The following ATP13A5 variants were observed in gnomAD, a reference collection of about 807,000 sequenced individuals.
ATP13A5 encodes the protein ATPase 13A5.
In ATP13A5, 149 loss-of-function variants were observed where a neutral mutation model predicts 150.2. The observed-to-expected ratio is 0.99, with a 90% CI of 0.87 to 1.14. The LOEUF is 1.14. ATP13A5 is among the 50% of genes most tolerant of loss of function. ATP13A5 has a pLI of 0.00. For missense variants in ATP13A5, 1,383 were observed against 1,449.3 expected (o/e 0.95, Z 0.74); for synonymous variants, 497 against 522.2 (o/e 0.95, Z 0.66).
chr3:193,343,831 A>G, intron 9 of ATP13A5, 96 bp downstream of exon 9: 1 of 1,417,712 alleles, frequency 7.1e-7, no homozygotes, highest in Non-Finnish European at 9.4e-7. Flanking sequence ...CCTATCTCTG[A>G]ATATCTTAGC....
At chr3:193,286,415 T>C (rs1255453745) in intron 26 of ATP13A5, among the ~76,000 whole-genome samples, 1 of 152,206 alleles carries the variant, frequency 6.6e-6, no homozygotes, top group Non-Finnish European at 1.5e-5. Context: ...GCAAGTCTAT[T>C]GGCACCATTT....
intron 25 of ATP13A5, among the ~76,000 whole-genome samples, chr3:193,296,021 G>T (rs6794806): frequency 0.37 from 56,896 of 151,970 alleles, 10,957 homozygotes; most frequent in East Asian, 0.57. Flanking sequence ...AGGGCAGGCA[G>T]CAGCGAGAGC....
intron 21 of ATP13A5, among the ~76,000 whole-genome samples, chr3:193,307,876 G>C (rs1718677464): frequency 6.6e-6 from 1 of 152,152 alleles, no homozygotes; most frequent in African/African-American, 2.4e-5. Flanking sequence ...GTGAAAATAA[G>C]ATATGTTTTC....
At chr3:193,283,428 T>C (rs200773389) in intron 27 of ATP13A5, among the ~76,000 whole-genome samples, 1 of 148,750 alleles carries the variant, frequency 6.7e-6, no homozygotes, top group East Asian at 2.0e-4. Flanking sequence ...AGAAAAAAAA[T>C]AAGTTTAAAA....
chr3:193,299,301 T>C (rs926854712), intron 24 of ATP13A5, 98 bp from the exon 25 acceptor site: 5 of 864,794 alleles, frequency 5.8e-6, no homozygotes, highest in Non-Finnish European at 8.7e-6. Flanking sequence ...AGGCAGCTGT[T>C]ACTTTTTTTT....
intron 27 of ATP13A5, 22 bp downstream of exon 27, chr3:193,284,892 A>T: frequency 6.3e-7 from 1 of 1,579,140 alleles, no homozygotes; most frequent in East Asian, 2.3e-5. Flanking sequence ...TCAGAAAGAA[A>T]AATTAAACTT....
chr3:193,321,330 G>C (rs1190765509), intron 16 of ATP13A5, among the ~76,000 whole-genome samples: 1 of 152,062 alleles, frequency 6.6e-6, no homozygotes, highest in Non-Finnish European at 1.5e-5. Context: ...GTGTTTGTTG[G>C]CTTTATGTAT....
Position 193,334,781 on chromosome 3 carries a change from A to G in ATP13A5, c.1114+148T>C, listed in dbSNP as rs998212755. On this transcript the variant is annotated intron_variant, in intron 10 of 29. Coordinates refer to ENST00000342358, the MANE Select transcript of ATP13A5 (RefSeq NM_198505.4). Reference sequence around the variant, plus strand: ...AAACCATTTAATTAAAAATAGTGACACTTTAGAATAATAAGTGTCTGTTTG... The same window carrying G: ...AAACCATTTAATTAAAAATAGTGACGCTTTAGAATAATAAGTGTCTGTTTG... 3 of 673,652 alleles carry G rather than the reference A, an allele frequency of 4.5e-6. No homozygotes were observed. The African/African-American group carries it at 5.4e-5, about 12-fold the overall frequency. The allele number at this position is 673,652 out of a possible 1,614,324, so 41.7% of individuals were successfully genotyped here. A position where few individuals can be genotyped will look rare whatever the true frequency, so the allele number is the denominator to read the frequency against.
At position 193,301,225 on chromosome 3, in the gene ATP13A5, A is replaced by G. The variant is rs971246937; in HGVS notation, c.2761T>C (p.Leu921=). ...MYGIIQFISA[L]LLYWQLQLFG... is the part of the protein sequence containing the mutation. Reference sequence around the variant, plus strand: ...TTGTTTCATACCCAATAGAGCAGTAATGCACTGATAAACTGGATTATGCCG... The same window carrying G: ...TTGTTTCATACCCAATAGAGCAGTAGTGCACTGATAAACTGGATTATGCCG... The change falls in exon 24 of 30, where the codon TTA becomes CTA. Residue 921 remains leucine, a synonymous_variant. Transcript: ENST00000342358. 6.2e-7 allele frequency: 1 copy of G among 1,612,616 alleles called. No individual in the cohort carries two copies. Among genetic ancestry groups the G allele is most frequent in the Non-Finnish European group, 8.5e-7 (1 of 1,178,866 alleles).
intron 27 of ATP13A5, 137 bp from the exon 28 acceptor site, chr3:193,279,591 T>C: frequency 1.5e-6 from 1 of 652,374 alleles, no homozygotes. Flanking sequence ...CTCATATGTT[T>C]TGAAATATGT....
chr3:193,284,460 C>T (rs140916468), intron 27 of ATP13A5, among the ~76,000 whole-genome samples: 9 of 152,232 alleles, frequency 5.9e-5, no homozygotes, highest in Non-Finnish European at 1.2e-4. Flanking sequence ...TTGTGCTAGG[C>T]CCATTCCATA....
chr3:193,289,972 A>C lies in ATP13A5; in HGVS notation c.2936T>G (p.Leu979Trp). The C allele has an allele frequency of 6.2e-7, 1 of 1,612,970 alleles. No individual in the cohort carries two copies. The change falls in exon 26 of 30, where the codon TTG (leucine) becomes TGG (tryptophan). Residue 979 changes from leucine to tryptophan, a missense_variant. Physicochemically the swap from Leu to Trp is moderately conservative, Grantham distance 61. Coordinates refer to ENST00000342358, the MANE Select transcript of ATP13A5 (RefSeq NM_198505.4). ...LSPPLLLSIF[L>W]NSCFSCIVQI... ...CACAATGCAGGAGAAACAGGAATTC[A>C]AAAATATTGAAAGCAGTAAAGGGGG...
rs148306074 is a variant in ATP13A5 at position 193,346,103 on chromosome 3, C to T, written c.742-1028G>A. Among the ~76,000 whole-genome samples the T allele has an allele frequency of 7.8e-3, 1,192 of 152,074 alleles. 18 individuals carry two copies. Among genetic ancestry groups the T allele is most frequent in the African/African-American group, 0.027 (1,109 of 41,492 alleles). ...ATTTAGCCTGTTTAACTCCTTTTTG[C>T]TCATCAGAAAGGGGAGATTATAACA... On this transcript the variant is annotated intron_variant, in intron 7 of 29. Transcript: ENST00000342358.
At chr3:193,368,668 CTG>C (rs1028545720) in intron 1 of ATP13A5, among the ~76,000 whole-genome samples, 2 of 152,130 alleles carry the variant, frequency 1.3e-5, no homozygotes, top group African/African-American at 2.4e-5. Context: ...CCACTGCAAT[CTG>C]TGTGGGAAAG....
At chr3:193,286,538 C>G (rs1471888182) in intron 26 of ATP13A5, among the ~76,000 whole-genome samples, 3 of 152,094 alleles carry the variant, frequency 2.0e-5, no homozygotes, top group Admixed American at 6.6e-5. Context: ...GATCAGTGAT[C>G]TTTGGCGTTT....
intron 24 of ATP13A5, among the ~76,000 whole-genome samples, chr3:193,300,897 T>C (rs1257141308): frequency 6.6e-6 from 1 of 152,202 alleles, no homozygotes; most frequent in Non-Finnish European, 1.5e-5. Flanking sequence ...GACTCATCCA[T>C]TTCCTGCTGA....
chr3:193,345,603 G>A (rs1712306456), intron 7 of ATP13A5, among the ~76,000 whole-genome samples: 1 of 152,148 alleles, frequency 6.6e-6, no homozygotes, highest in Non-Finnish European at 1.5e-5. Context: ...ACTCAGCAGT[G>A]TATGAGTGGT....
At chr3:193,292,522 G>T (rs115959498) in intron 25 of ATP13A5, among the ~76,000 whole-genome samples, 1,687 of 152,270 alleles carry the variant, frequency 0.011, 20 homozygotes, top group Middle Eastern at 0.031. Flanking sequence ...TGTTAGCATA[G>T]ACTTCAAGCA....
At chr3:193,366,676 C>T (rs1335376902) in intron 1 of ATP13A5, among the ~76,000 whole-genome samples, 2 of 151,942 alleles carry the variant, frequency 1.3e-5, no homozygotes, top group African/African-American at 4.8e-5. Flanking sequence ...TCTCAATAAC[C>T]AGCAGAATAA....
Sources: allele counts gnomAD v4.1 joint callset (sites outside exome capture counted in the v4.1 genomes callset), GRCh38; gene constraint gnomAD v4.1.1; transcripts MANE v1.5; gene names NCBI Gene and HGNC (gene_info 2026-07-23, HGNC 2026-07-21).